Variants in MAP2 observed in about 807,000 individuals in gnomAD.
MAP2 encodes the protein microtubule associated protein 2.
A neutral mutation model predicts 137.6 loss-of-function variants in MAP2; 14 were observed. The observed-to-expected ratio is 0.10, with a 90% CI of 0.07 to 0.16. The LOEUF (loss-of-function observed/expected upper bound fraction) is 0.16. Ranked by LOEUF, MAP2 falls within the 10% of genes least tolerant of loss-of-function variation. MAP2 has a pLI of 1.00. For missense variants in MAP2, 2,088 were observed against 2,191.5 expected (o/e 0.95, Z 0.94); for synonymous variants, 786 against 782.3 (o/e 1.00, Z -0.08).
intron 1 of MAP2, among the ~76,000 whole-genome samples, chr2:209,477,991 G>T (rs1224081710): frequency 1.3e-5 from 2 of 152,018 alleles, no homozygotes; most frequent in South Asian, 4.2e-4. Context: ...GGAACAGAGC[G>T]AGACTCTGTC....
intron 1 of MAP2, among the ~76,000 whole-genome samples, chr2:209,492,151 A>G (rs1347971501): frequency 8.8e-6 from 1 of 113,916 alleles, no homozygotes; most frequent in Admixed American, 1.0e-4. Context: ...ATGCAAATCA[A>G]TAAATGTAAT....
intron 2 of MAP2, among the ~76,000 whole-genome samples, chr2:209,549,441 AT>A (rs2068726683): frequency 6.6e-6 from 1 of 152,188 alleles, no homozygotes; most frequent in African/African-American, 2.4e-5. Context: ...TTAAGTGTTT[AT>A]TGAAATCCTC....
chr2:209,598,155 A>G (rs1054057248), intron 3 of MAP2, among the ~76,000 whole-genome samples: 1 of 151,870 alleles, frequency 6.6e-6, no homozygotes, highest in Non-Finnish European at 1.5e-5. Flanking sequence ...GTAGGCACCC[A>G]CCACCATGCC....
At chr2:209,509,236 T>C (rs1391028279) in intron 2 of MAP2, among the ~76,000 whole-genome samples, 1 of 151,970 alleles carries the variant, frequency 6.6e-6, no homozygotes, top group Non-Finnish European at 1.5e-5. Flanking sequence ...AGATTTTTGT[T>C]AGACTATAAA....
At chr2:209,536,075 A>G (rs1427331676) in intron 2 of MAP2, among the ~76,000 whole-genome samples, 1 of 152,230 alleles carries the variant, frequency 6.6e-6, no homozygotes, top group Admixed American at 6.5e-5. Context: ...ATAAATTGGT[A>G]TTTTAACTAT....
intron 5 of MAP2, among the ~76,000 whole-genome samples, chr2:209,662,449 C>G (rs1164609549): frequency 6.6e-6 from 1 of 152,068 alleles, no homozygotes; most frequent in Admixed American, 6.5e-5. Context: ...CAATTCAGAC[C>G]TATTTATGAA....
In MAP2 at chr2:209,710,213, G is replaced by A. The variant is rs752402917; in HGVS notation, c.5032G>A (p.Gly1678Arg). 10 of 1,601,124 alleles carry A rather than the reference G, an allele frequency of 6.2e-6. No individual in the cohort carries two copies. The highest frequency in any genetic ancestry group is 8.5e-6 in the Non-Finnish European group (10 of 1,173,078). ...PDLKNVKSKI[G>R]STDNIKYQPK... is the part of the protein sequence containing the mutation. Reference sequence around the variant, plus strand: ...CCTGAAGAATGTCAAATCCAAAATCGGATCAACAGACAACATCAAATACCA... The same window carrying A: ...CCTGAAGAATGTCAAATCCAAAATCAGATCAACAGACAACATCAAATACCA... The change falls in exon 13 of 16, where the codon GGA becomes AGA. Residue 1678 changes from glycine to arginine, a missense_variant. Physicochemically the swap from Gly to Arg is moderately radical, Grantham distance 125. Coordinates refer to ENST00000682079, the MANE Select transcript of MAP2 (RefSeq NM_001375505.1).
At chr2:209,531,346 C>A (rs2150568523) in intron 2 of MAP2, among the ~76,000 whole-genome samples, 1 of 152,240 alleles carries the variant, frequency 6.6e-6, no homozygotes, top group Non-Finnish European at 1.5e-5. Context: ...AATTTTTCCT[C>A]ATTATTTAAT....
chr2:209,616,565 CAA>C (rs2089473657), intron 3 of MAP2, among the ~76,000 whole-genome samples: 1 of 152,176 alleles, frequency 6.6e-6, no homozygotes, highest in South Asian at 2.1e-4. Flanking sequence ...CTCATCTACA[CAA>C]AGTTAACCAG....
intron 3 of MAP2, among the ~76,000 whole-genome samples, chr2:209,620,404 C>T (rs980750597): frequency 3.3e-5 from 5 of 152,184 alleles, no homozygotes; most frequent in Admixed American, 6.5e-5. Flanking sequence ...TAGGAATTTG[C>T]TAACAGCTCT....
At chr2:209,460,457 T>C (rs1702494367) in intron 1 of MAP2, among the ~76,000 whole-genome samples, 2 of 152,046 alleles carry the variant, frequency 1.3e-5, no homozygotes, top group African/African-American at 2.4e-5. Flanking sequence ...CTCAGGTGCC[T>C]TAGAGTTGAA....
At chr2:209,537,767 T>C (rs1471788056) in intron 2 of MAP2, among the ~76,000 whole-genome samples, 4 of 152,228 alleles carry the variant, frequency 2.6e-5, no homozygotes, top group Non-Finnish European at 4.4e-5. Context: ...CTCACTGATA[T>C]TCTTGTAATT....
chr2:209,639,584 G>A (rs141127340), intron 4 of MAP2, among the ~76,000 whole-genome samples: 63 of 152,088 alleles, frequency 4.1e-4, no homozygotes, highest in Middle Eastern at 3.4e-3. Context: ...AACCAAGCTC[G>A]AGTGTACCAT....
chr2:209,434,448 G>T (rs948555444), intron 1 of MAP2, among the ~76,000 whole-genome samples: 1 of 151,506 alleles, frequency 6.6e-6, no homozygotes, highest in Non-Finnish European at 1.5e-5. Flanking sequence ...CTCTTTCCTT[G>T]ACTTCTGTTT....
At chr2:209,725,831 G>T in intron 14 of MAP2, 41 bp downstream of exon 14, 1 of 1,396,258 alleles carries the variant, frequency 7.2e-7, no homozygotes. Context: ...ATATTTAACT[G>T]GAATCAAGAA....
chr2:209,666,251 G>A (rs890526372), intron 5 of MAP2, among the ~76,000 whole-genome samples: 5 of 152,082 alleles, frequency 3.3e-5, no homozygotes, highest in Admixed American at 3.3e-4. Context: ...ACTTGGTGTA[G>A]ATCACAACGC....
intron 13 of MAP2, among the ~76,000 whole-genome samples, chr2:209,718,057 TATATC>T (rs2068488435): frequency 6.6e-6 from 1 of 152,240 alleles, no homozygotes; most frequent in Non-Finnish European, 1.5e-5. Flanking sequence ...AAGTCATCAT[TATATC>T]AGAGTGAAAG....
chr2:209,635,631 A>T (rs2093486716), intron 4 of MAP2, among the ~76,000 whole-genome samples: 1 of 152,152 alleles, frequency 6.6e-6, no homozygotes, highest in African/African-American at 2.4e-5. Context: ...GCAGTGTTGC[A>T]TGAAAGCTGT....
chr2:209,548,454 A>G (rs1366831148), intron 2 of MAP2, among the ~76,000 whole-genome samples: 1 of 152,250 alleles, frequency 6.6e-6, no homozygotes, highest in Non-Finnish European at 1.5e-5. Context: ...AACAAATAGC[A>G]GAGCTTATGC....
Sources: allele counts gnomAD v4.1 joint callset (sites outside exome capture counted in the v4.1 genomes callset), GRCh38; gene constraint gnomAD v4.1.1; transcripts MANE v1.5; gene names NCBI Gene and HGNC (gene_info 2026-07-23, HGNC 2026-07-21).